The following MAGI2 variants were observed in gnomAD, a reference collection of about 807,000 sequenced individuals.
MAGI2 encodes membrane-associated guanylate kinase, WW and PDZ domain-containing protein 2.
In MAGI2, 35 loss-of-function variants were observed where a neutral mutation model predicts 133.3. That is an observed-to-expected ratio of 0.26 (90% CI 0.20 to 0.35). The LOEUF (loss-of-function observed/expected upper bound fraction) is 0.35, where lower values mean the gene tolerates loss of function less well. MAGI2 is among the 10% of genes least tolerant of loss of function. The pLI, the probability that MAGI2 is intolerant of heterozygous loss-of-function variation, is 1.00. For synonymous variants in MAGI2, 729 were observed against 710.6 expected (o/e 1.03, Z -0.41); for missense variants, 1,636 against 1,863.4 (o/e 0.88, Z 2.25).
intron 2 of MAGI2, among the ~76,000 whole-genome samples, chr7:78,826,710 C>G (rs926534925): frequency 3.3e-5 from 5 of 152,022 alleles, no homozygotes; most frequent in African/African-American, 1.2e-4. Flanking sequence ...TAGAATGTGA[C>G]AAAACATTTA....
At chr7:79,147,799 G>A (rs1822793669) in intron 1 of MAGI2, among the ~76,000 whole-genome samples, 1 of 152,128 alleles carries the variant, frequency 6.6e-6, no homozygotes, top group African/African-American at 2.4e-5. Context: ...AAAGCATGAG[G>A]GTGGCAGCAG....
chr7:78,651,264 C>T (rs1811528815), intron 2 of MAGI2, among the ~76,000 whole-genome samples: 1 of 152,058 alleles, frequency 6.6e-6, no homozygotes, highest in African/African-American at 2.4e-5. Flanking sequence ...TCATGTAACA[C>T]ACAAAATATA....
chr7:79,422,373 T>C (rs1235817872), intron 1 of MAGI2, among the ~76,000 whole-genome samples: 1 of 152,030 alleles, frequency 6.6e-6, no homozygotes, highest in African/African-American at 2.4e-5. Flanking sequence ...TTTGAATTAA[T>C]CATATATATG....
chr7:78,896,769 T>A (rs1797250918), intron 2 of MAGI2, among the ~76,000 whole-genome samples: 1 of 151,910 alleles, frequency 6.6e-6, no homozygotes, highest in African/African-American at 2.4e-5. Context: ...GGGTTTCACC[T>A]GCTTTATAAA....
intron 1 of MAGI2, among the ~76,000 whole-genome samples, chr7:79,252,782 CTTAATA>C (rs1483232751): frequency 5.9e-5 from 9 of 152,120 alleles, no homozygotes; most frequent in Admixed American, 2.6e-4. Context: ...TATTTTATGA[CTTAATA>C]TTAAGAGACA....
chr7:79,185,767 T>C (rs140787908), intron 1 of MAGI2, among the ~76,000 whole-genome samples: 5 of 151,862 alleles, frequency 3.3e-5, no homozygotes, highest in Admixed American at 1.3e-4. Flanking sequence ...CAGGCTAACA[T>C]TATGGATTCT....
intron 1 of MAGI2, among the ~76,000 whole-genome samples, chr7:79,342,033 T>G (rs1269120129): frequency 6.6e-6 from 1 of 152,166 alleles, no homozygotes; most frequent in Non-Finnish European, 1.5e-5. Context: ...TCCATCACCT[T>G]TCTGGTTTAC....
At chr7:79,007,755 G>C in intron 1 of MAGI2, among the ~76,000 whole-genome samples, 1 of 151,854 alleles carries the variant, frequency 6.6e-6, no homozygotes. Flanking sequence ...TAAGTAGGAT[G>C]GTATAAAAAG....
chr7:78,249,102 A>G (rs1479688681), intron 10 of MAGI2, among the ~76,000 whole-genome samples: 1 of 152,172 alleles, frequency 6.6e-6, no homozygotes. Flanking sequence ...GCTAACAGTT[A>G]TATGAAAAAT....
chr7:78,667,541 TC>T (rs1813760826), intron 2 of MAGI2, among the ~76,000 whole-genome samples: 1 of 59,612 alleles, frequency 1.7e-5, no homozygotes, highest in South Asian at 6.4e-4. Flanking sequence ...CCCTCCCGCC[TC>T]CCCCCACCCC....
intron 1 of MAGI2, among the ~76,000 whole-genome samples, chr7:79,401,065 G>A (rs1349068127): frequency 6.6e-6 from 1 of 152,120 alleles, no homozygotes; most frequent in Non-Finnish European, 1.5e-5. Flanking sequence ...TTATATTTAA[G>A]TAGGAATTTT....
intron 2 of MAGI2, among the ~76,000 whole-genome samples, chr7:78,849,275 C>T (rs1563576750): frequency 1.3e-5 from 2 of 151,942 alleles, no homozygotes; most frequent in African/African-American, 4.8e-5. Flanking sequence ...ACTCAGGATG[C>T]AGAAATAGTA....
intron 2 of MAGI2, among the ~76,000 whole-genome samples, chr7:78,772,841 A>T (rs1274795515): frequency 1.3e-5 from 2 of 152,260 alleles, no homozygotes; most frequent in African/African-American, 2.4e-5. Context: ...GCAAATTTAG[A>T]AAGACCTAAA....
At chr7:79,017,850 C>T (rs1463554389) in intron 1 of MAGI2, among the ~76,000 whole-genome samples, 1 of 152,076 alleles carries the variant, frequency 6.6e-6, no homozygotes, top group African/African-American at 2.4e-5. Flanking sequence ...TGAAGACTGG[C>T]TCTCCAAAAT....
At chr7:79,046,103 C>T (rs778217910) in intron 1 of MAGI2, among the ~76,000 whole-genome samples, 35 of 152,150 alleles carry the variant, frequency 2.3e-4, no homozygotes, top group Admixed American at 5.9e-4. Context: ...AAAACAATTT[C>T]AAAGATAGCT....
chr7:78,275,341 G>C (rs1267102971), intron 9 of MAGI2, among the ~76,000 whole-genome samples: 1 of 152,194 alleles, frequency 6.6e-6, no homozygotes, highest in Non-Finnish European at 1.5e-5. Context: ...GAAATCACCT[G>C]CCTCGATCTC....
chr7:79,016,648 C>T (rs576687155), intron 1 of MAGI2, among the ~76,000 whole-genome samples: 17 of 152,238 alleles, frequency 1.1e-4, no homozygotes, highest in African/African-American at 2.4e-4. Flanking sequence ...CTGCCAGATG[C>T]GTGTGCACCA....
chr7:78,749,715 T>C (rs1823271946), intron 2 of MAGI2, among the ~76,000 whole-genome samples: 1 of 151,996 alleles, frequency 6.6e-6, no homozygotes, highest in Admixed American at 6.6e-5. Context: ...TTAAAGATTT[T>C]TGAGGAAAGA....
intron 3 of MAGI2, among the ~76,000 whole-genome samples, chr7:78,523,700 C>T (rs1796706244): frequency 6.6e-6 from 1 of 152,006 alleles, no homozygotes. Flanking sequence ...ATAAAACTAT[C>T]AGATCTTGTG....
Sources: gnomAD v4.1 joint callset for allele counts (sites outside exome capture counted in the v4.1 genomes callset) on GRCh38, gnomAD v4.1.1 for gene constraint, MANE v1.5 for transcripts, NCBI Gene and HGNC (gene_info 2026-07-23, HGNC 2026-07-21) for gene names.